Variants in ARB2A observed in about 807,000 individuals in gnomAD.
ARB2A encodes cotranscriptional regulator ARB2A.
the ARB2A span, among the ~76,000 whole-genome samples, chr5:93,850,472 T>G: frequency 2.8e-4 from 42 of 152,122 alleles, no homozygotes. Context: ...GGGATCCTTA[T>G]TATGATCAGG....
chr5:93,851,384 G>T, the ARB2A span, among the ~76,000 whole-genome samples: 1 of 152,108 alleles, frequency 6.6e-6, no homozygotes, highest in African/African-American at 2.4e-5. Context: ...TAGTAATTTT[G>T]TTGGTTGAAA....
chr5:93,744,434 C>CAAAAAAAAAAAAAAAA, the ARB2A span, among the ~76,000 whole-genome samples: 19 of 14,538 alleles, frequency 1.3e-3, 6 homozygotes, highest in East Asian at 5.3e-3. Context: ...GACTCAGTCT[C>CAAAAAAAAAAAAAAAA]AAAAAAAAAA....
At chr5:94,109,739 T>C in the ARB2A span, among the ~76,000 whole-genome samples, 1 of 152,278 alleles carries the variant, frequency 6.6e-6, no homozygotes, top group Non-Finnish European at 1.5e-5. Context: ...CATTCCTCCA[T>C]ACTTGCGGAG....
the ARB2A span, among the ~76,000 whole-genome samples, chr5:93,845,414 C>T: frequency 1.3e-5 from 2 of 152,140 alleles, no homozygotes; most frequent in African/African-American, 4.8e-5. Context: ...CAAAATGTTG[C>T]CAGGATTTTT....
At chr5:94,021,259 A>T in the ARB2A span, among the ~76,000 whole-genome samples, 1 of 152,224 alleles carries the variant, frequency 6.6e-6, no homozygotes, top group Non-Finnish European at 1.5e-5. Context: ...AATACTCATC[A>T]TATTCACAAG....
At chr5:93,865,667 C>A in the ARB2A span, 4 of 985,212 alleles carry the variant, frequency 4.1e-6, no homozygotes, top group African/African-American at 1.7e-5. Context: ...CTATATTTAT[C>A]ATCTAAAGAT....
the ARB2A span, among the ~76,000 whole-genome samples, chr5:93,920,372 G>A: frequency 3.9e-5 from 6 of 152,130 alleles, no homozygotes; most frequent in Middle Eastern, 3.2e-3. Context: ...ATAATTTTGT[G>A]TGACAGAATA....
the ARB2A span, among the ~76,000 whole-genome samples, chr5:93,624,116 G>C: frequency 6.6e-6 from 1 of 151,942 alleles, no homozygotes; most frequent in Non-Finnish European, 1.5e-5. Context: ...ACATTAAGTG[G>C]GATGCTTTTT....
chr5:93,634,523 TC>T, the ARB2A span, among the ~76,000 whole-genome samples: 1 of 152,146 alleles, frequency 6.6e-6, no homozygotes, highest in Non-Finnish European at 1.5e-5. Flanking sequence ...GTGGCCATAG[TC>T]CATAGCGACT....
At chr5:93,921,129 A>G in the ARB2A span, among the ~76,000 whole-genome samples, 45 of 150,640 alleles carry the variant, frequency 3.0e-4, no homozygotes, top group East Asian at 6.7e-3. Flanking sequence ...CCATTTCAAG[A>G]TAAATGAGTT....
the ARB2A span, among the ~76,000 whole-genome samples, chr5:93,982,440 A>G: frequency 1.3e-5 from 2 of 152,178 alleles, no homozygotes; most frequent in African/African-American, 4.8e-5. Context: ...ACACAAATAT[A>G]TTTGCTGAGG....
chr5:93,667,170 G>GT, the ARB2A span, among the ~76,000 whole-genome samples: 1 of 152,074 alleles, frequency 6.6e-6, no homozygotes, highest in Non-Finnish European at 1.5e-5. Context: ...CCTTTATGAG[G>GT]TTTTTCTTAA....
chr5:94,004,025 A>C, the ARB2A span, among the ~76,000 whole-genome samples: 3 of 152,206 alleles, frequency 2.0e-5, no homozygotes, highest in African/African-American at 7.2e-5. Flanking sequence ...AAAATTCAGA[A>C]GCAGACACAC....
chr5:93,681,422 TCA>T, the ARB2A span, among the ~76,000 whole-genome samples: 25 of 152,268 alleles, frequency 1.6e-4, no homozygotes, highest in Non-Finnish European at 7.4e-5. Context: ...ACTTTTTCTC[TCA>T]CAGTTTCCTT....
At chr5:93,964,592 TA>T in the ARB2A span, 1 of 1,158,340 alleles carries the variant, frequency 8.6e-7, no homozygotes, top group Non-Finnish European at 1.2e-6. Context: ...TAAATTTTGG[TA>T]AATTGTTGCA....
chr5:93,707,236 C>CA, the ARB2A span, among the ~76,000 whole-genome samples: 3 of 152,046 alleles, frequency 2.0e-5, no homozygotes, highest in South Asian at 6.2e-4. Context: ...ATTAAATTGG[C>CA]AAAAAATAAA....
At chr5:93,905,721 G>A in the ARB2A span, among the ~76,000 whole-genome samples, 4 of 151,190 alleles carry the variant, frequency 2.6e-5, no homozygotes, top group African/African-American at 9.7e-5. Flanking sequence ...CAATCTCTTC[G>A]CCTAGTAGTA....
chr5:93,682,635 C>T, the ARB2A span, among the ~76,000 whole-genome samples: 1 of 151,828 alleles, frequency 6.6e-6, no homozygotes. Flanking sequence ...ATACTTAAAA[C>T]CAAGCAAAGG....
the ARB2A span, chr5:93,805,067 A>T: frequency 1.0e-6 from 1 of 962,634 alleles, no homozygotes; most frequent in Non-Finnish European, 1.2e-6. Flanking sequence ...ATAATTAATG[A>T]TTAATGATTT....
Sources: allele counts gnomAD v4.1 joint callset (sites outside exome capture counted in the v4.1 genomes callset), GRCh38; gene constraint gnomAD v4.1.1; transcripts MANE v1.5; gene names NCBI Gene and HGNC (gene_info 2026-07-23, HGNC 2026-07-21).